The following DMD variants were observed in gnomAD, a reference collection of about 807,000 sequenced individuals.
DMD encodes the protein dystrophin.
DMD carries 63 observed loss-of-function variants against 330.1 expected under a neutral mutation model. The ratio of observed to expected loss-of-function variants is 0.19; its 90% CI spans 0.16 to 0.24. The LOEUF is 0.24. Ranked by LOEUF, DMD falls within the 10% of genes least tolerant of loss-of-function variation. The pLI is 1.00. For missense variants in DMD, 3,344 were observed against 2,684.1 expected, an observed-to-expected ratio of 1.25 and a Z score of -5.43; for synonymous variants, 1,223 against 959.8, an observed-to-expected ratio of 1.27 and a Z score of -5.07.
intron 2 of DMD, among the ~76,000 whole-genome samples, chrX:32,964,898 T>C (rs1435987355): frequency 8.9e-6 from 1 of 112,147 alleles, no homozygotes; most frequent in Non-Finnish European, 1.9e-5. Context: ...ACACTTTCTA[T>C]ACAATCATCT....
intron 4 of DMD, among the ~76,000 whole-genome samples, chrX:32,829,608 T>C (rs1026907890): frequency 1.8e-5 from 2 of 111,986 alleles, no homozygotes; most frequent in South Asian, 7.3e-4. Context: ...ATACAATTTT[T>C]ATTTTTGTTT....
Position 33,248,453 on chromosome X carries a change from AAAC to A in DMD, c.7+90803_7+90805del, listed in dbSNP as rs1156781264. On this transcript the variant is annotated intron_variant, in intron 1 of 17. Transcript: ENST00000288447. ...TATCATTATTTTATTTTTGTTTTAA[AAAC>A]AAGTTTCACAGATAGGAGTATGTTG... 6.2e-5 allele frequency among the ~76,000 whole-genome samples: 7 copies of A among 112,274 alleles called. No individual in the cohort carries two copies. In the East Asian group the frequency reaches 1.9e-3, roughly 31 times the overall value.
chrX:31,891,499 T>C (rs1373379343), intron 47 of DMD, among the ~76,000 whole-genome samples: 1 of 111,574 alleles, frequency 9.0e-6, no homozygotes, highest in Non-Finnish European at 1.9e-5. Context: ...ACCATATGTC[T>C]TTGTACAGTT....
chrX:31,706,142 G>C (rs2084165830), intron 52 of DMD, among the ~76,000 whole-genome samples: 1 of 89,278 alleles, frequency 1.1e-5, no homozygotes, highest in Non-Finnish European at 2.1e-5. Flanking sequence ...GTTTATTTTA[G>C]CTGTTAAAAA....
intron 49 of DMD, among the ~76,000 whole-genome samples, chrX:31,826,211 G>A (rs2092891895): frequency 9.0e-6 from 1 of 111,705 alleles, no homozygotes; most frequent in Non-Finnish European, 1.9e-5. Flanking sequence ...ATAGGTAAAT[G>A]AGGGGTTACT....
At chrX:32,703,246 T>C (rs910166699) in intron 7 of DMD, among the ~76,000 whole-genome samples, 1 of 111,979 alleles carries the variant, frequency 8.9e-6, no homozygotes, top group Non-Finnish European at 1.9e-5. Flanking sequence ...TCAGAGACTG[T>C]GGTTGACCAG....
At chrX:33,227,976 G>A (rs1336999816) in intron 1 of DMD, among the ~76,000 whole-genome samples, 1 of 110,734 alleles carries the variant, frequency 9.0e-6, no homozygotes, top group African/African-American at 3.3e-5. Context: ...GATAAAAAAA[G>A]TTTTATATTG....
chrX:31,802,798 C>T (rs781253831), intron 50 of DMD, among the ~76,000 whole-genome samples: 154 of 111,423 alleles, frequency 1.4e-3, no homozygotes, highest in African/African-American at 4.9e-3. Context: ...TTTTTCATGC[C>T]TTAAAGTCTT....
intron 63 of DMD, among the ~76,000 whole-genome samples, chrX:31,232,082 A>T (rs965142853): frequency 1.0e-3 from 5 of 4,904 alleles, no homozygotes; most frequent in East Asian, 0.062. Context: ...AGCACATGTT[A>T]AAAAAAAAAA....
At chrX:32,526,418 CTTTGA>C (rs961010442) in intron 17 of DMD, among the ~76,000 whole-genome samples, 5 of 110,540 alleles carry the variant, frequency 4.5e-5, no homozygotes, top group African/African-American at 1.6e-4. Flanking sequence ...GCAAGTAAGT[CTTTGA>C]TTTTTTTTTT....
intron 62 of DMD, among the ~76,000 whole-genome samples, chrX:31,315,813 G>A (rs2055958744): frequency 1.8e-5 from 2 of 112,136 alleles, no homozygotes; most frequent in African/African-American, 6.5e-5. Context: ...TATCATTGAT[G>A]ACATTCTGTT....
chrX:31,621,145 T>C (rs1271868918), intron 55 of DMD, among the ~76,000 whole-genome samples: 1 of 111,871 alleles, frequency 8.9e-6, no homozygotes, highest in Non-Finnish European at 1.9e-5. Flanking sequence ...CAACTCATGA[T>C]TGAGTGAAGA....
intron 1 of DMD, among the ~76,000 whole-genome samples, chrX:33,286,090 T>C (rs370524737): frequency 6.3e-5 from 7 of 111,942 alleles, no homozygotes; most frequent in East Asian, 5.6e-4. Context: ...TAGGATTTTT[T>C]TCAAGAAGCT....
chrX:33,110,935 A>C (rs1237458572), intron 1 of DMD, among the ~76,000 whole-genome samples: 1 of 111,386 alleles, frequency 9.0e-6, no homozygotes, highest in African/African-American at 3.2e-5. Context: ...AAAACATTTT[A>C]ATTAAAATAT....
intron 55 of DMD, among the ~76,000 whole-genome samples, chrX:31,524,784 G>A (rs2073122865): frequency 9.0e-6 from 1 of 111,426 alleles, no homozygotes; most frequent in Non-Finnish European, 1.9e-5. Context: ...GGATGTGCTT[G>A]CCCTGAGAAG....
At chrX:32,812,619 C>T (rs1428729746) in intron 6 of DMD, among the ~76,000 whole-genome samples, 3 of 112,088 alleles carry the variant, frequency 2.7e-5, no homozygotes, top group Non-Finnish European at 5.6e-5. Flanking sequence ...TGCAACAGAG[C>T]GAGACTCCGT....
intron 51 of DMD, among the ~76,000 whole-genome samples, chrX:31,743,641 G>A (rs1007971102): frequency 1.8e-5 from 2 of 111,537 alleles, no homozygotes; most frequent in Admixed American, 9.5e-5. Context: ...TAAACAGTGC[G>A]TTGTCATGGA....
intron 2 of DMD, among the ~76,000 whole-genome samples, chrX:32,866,823 T>G (rs1438812481): frequency 9.3e-6 from 1 of 107,762 alleles, no homozygotes; most frequent in East Asian, 3.1e-4. Context: ...AACCTCCGTC[T>G]CCCAGTGTCA....
chrX:31,982,671 T>A (rs772127765), intron 44 of DMD, among the ~76,000 whole-genome samples: 2 of 110,702 alleles, frequency 1.8e-5, no homozygotes, highest in South Asian at 7.8e-4. Flanking sequence ...AAACAAGGTA[T>A]TTTTTTCTGG....
Sources: allele counts gnomAD v4.1 joint callset (sites outside exome capture counted in the v4.1 genomes callset), GRCh38; gene constraint gnomAD v4.1.1; transcripts MANE v1.5; gene names NCBI Gene and HGNC (gene_info 2026-07-23, HGNC 2026-07-21).